The following RGS7 variants were observed in gnomAD, a reference collection of about 807,000 sequenced individuals.
The protein encoded by RGS7 is regulator of G protein signaling 7, also known as regulator of G-protein signaling 7.
Under a neutral mutation model 81.1 loss-of-function variants are expected in RGS7, and 27 were observed. That is an observed-to-expected ratio of 0.33 (90% confidence interval 0.25 to 0.46). RGS7 has a LOEUF of 0.46. Among genes scored for constraint, RGS7 ranks in the 20% least tolerant of loss-of-function variants. RGS7 has a pLI of 1.00. For missense variants in RGS7, 396 were observed against 607.4 expected (o/e 0.65, Z 3.66); for synonymous variants, 208 against 207.7 (o/e 1.00, Z -0.01).
At chr1:241,301,716 T>C (rs2079771885) in intron 2 of RGS7, among the ~76,000 whole-genome samples, 1 of 152,232 alleles carries the variant, frequency 6.6e-6, no homozygotes, top group Admixed American at 6.5e-5. Context: ...TCTTGAAACT[T>C]ATCAATTTTA....
intron 18 of RGS7, among the ~76,000 whole-genome samples, chr1:240,792,888 A>G (rs531904542): frequency 7.2e-5 from 11 of 152,258 alleles, no homozygotes; most frequent in East Asian, 1.9e-4. Flanking sequence ...TAGGTTCCCA[A>G]TAACTGTTTT....
chr1:240,900,415 C>T (rs1205513794), intron 6 of RGS7, among the ~76,000 whole-genome samples: 2 of 152,180 alleles, frequency 1.3e-5, no homozygotes, highest in Non-Finnish European at 2.9e-5. Context: ...TACTCCCCAT[C>T]TTTGTGGTTT....
At chr1:241,285,704 G>T (rs894634925) in intron 2 of RGS7, among the ~76,000 whole-genome samples, 2 of 152,156 alleles carry the variant, frequency 1.3e-5, no homozygotes, top group African/African-American at 4.8e-5. Context: ...CAGTATACTA[G>T]AACTGTTTTC....
chr1:241,154,805 G>A (rs2068996996), intron 2 of RGS7, among the ~76,000 whole-genome samples: 2 of 152,192 alleles, frequency 1.3e-5, no homozygotes, highest in Admixed American at 6.5e-5. Flanking sequence ...GACTTTCACT[G>A]TCAGTGATGG....
chr1:241,192,948 A>C (rs1055416208), intron 2 of RGS7, among the ~76,000 whole-genome samples: 1 of 152,234 alleles, frequency 6.6e-6, no homozygotes, highest in Non-Finnish European at 1.5e-5. Context: ...TGCTAAACAC[A>C]ATGGAGAAAA....
intron 5 of RGS7, among the ~76,000 whole-genome samples, chr1:240,934,855 G>A (rs554837219): frequency 4.8e-4 from 67 of 139,664 alleles, no homozygotes; most frequent in African/African-American, 1.8e-3. Context: ...TGTGTGTATG[G>A]TGATCCCTTC....
In RGS7 at chr1:241,326,706, G is replaced by A. The variant is rs577171447; in HGVS notation, c.78+28993C>T. Reference sequence around the variant, plus strand: ...CACCTGTAGTCCTAGCACTTTGGGAGGCAAAGGTGGGCAGGTCGCTTGAGC... The same window carrying A: ...CACCTGTAGTCCTAGCACTTTGGGAAGCAAAGGTGGGCAGGTCGCTTGAGC... On this transcript the variant is annotated intron_variant, in intron 2 of 18. Coordinates refer to ENST00000440928, the MANE Select transcript of RGS7 (RefSeq NM_001364886.1). 4.0e-5 allele frequency among the ~76,000 whole-genome samples: 6 copies of A among 151,094 alleles called. No homozygotes were observed. In the South Asian group the frequency reaches 1.3e-3, roughly 32 times the overall value.
chr1:240,823,267 C>T, intron 10 of RGS7: 2 of 646,998 alleles, frequency 3.1e-6, no homozygotes, highest in Non-Finnish European at 5.8e-6. Flanking sequence ...AAGGCCATCT[C>T]CACTTCCGAC....
At chr1:241,033,205 AC>A (rs959265891) in intron 3 of RGS7, among the ~76,000 whole-genome samples, 3 of 151,974 alleles carry the variant, frequency 2.0e-5, no homozygotes, top group African/African-American at 7.3e-5. Context: ...ACAAAAATTA[AC>A]TGGGCGTGAT....
At chr1:241,254,268 T>C (rs2076964418) in intron 2 of RGS7, among the ~76,000 whole-genome samples, 1 of 151,186 alleles carries the variant, frequency 6.6e-6, no homozygotes, top group Admixed American at 6.6e-5. Flanking sequence ...TAGAAGAATA[T>C]GGGAGTAGTT....
intron 9 of RGS7, among the ~76,000 whole-genome samples, chr1:240,837,870 G>A (rs367640177): frequency 5.2e-4 from 79 of 152,160 alleles, no homozygotes; most frequent in African/African-American, 1.9e-3. Context: ...TAAATTCAAG[G>A]GCTTATAATA....
At chr1:241,135,627 C>G (rs1299842351) in intron 2 of RGS7, among the ~76,000 whole-genome samples, 2 of 152,026 alleles carry the variant, frequency 1.3e-5, no homozygotes, top group East Asian at 1.9e-4. Flanking sequence ...CTCTGGGGCT[C>G]CCAGGTTTGG....
At chr1:241,028,604 T>C (rs2059910128) in intron 3 of RGS7, among the ~76,000 whole-genome samples, 1 of 152,074 alleles carries the variant, frequency 6.6e-6, no homozygotes, top group South Asian at 2.1e-4. Context: ...AAGAACGTGT[T>C]TCAGCTGAAA....
At chr1:241,298,657 T>C (rs1483598438) in intron 2 of RGS7, among the ~76,000 whole-genome samples, 1 of 152,218 alleles carries the variant, frequency 6.6e-6, no homozygotes, top group Admixed American at 6.5e-5. Flanking sequence ...GAGAAAATTC[T>C]GGAGCCTACA....
chr1:240,944,870 C>T (rs148746381), intron 4 of RGS7, among the ~76,000 whole-genome samples: 3,393 of 152,338 alleles, frequency 0.022, 56 homozygotes, highest in Middle Eastern at 0.048. Flanking sequence ...TGCGCCACCA[C>T]GCCCGGCTAA....
chr1:240,857,136 A>G (rs1661286612), intron 9 of RGS7, among the ~76,000 whole-genome samples: 1 of 152,084 alleles, frequency 6.6e-6, no homozygotes, highest in African/African-American at 2.4e-5. Flanking sequence ...TTGTGGTCGG[A>G]TATTTTGTTG....
chr1:241,180,241 G>C (rs1573009244), intron 2 of RGS7, among the ~76,000 whole-genome samples: 1 of 152,132 alleles, frequency 6.6e-6, no homozygotes, highest in Non-Finnish European at 1.5e-5. Flanking sequence ...CGGGCCTGGT[G>C]GCGGGTGCCT....
intron 4 of RGS7, among the ~76,000 whole-genome samples, chr1:240,955,715 A>G (rs781477786): frequency 5.9e-5 from 9 of 152,212 alleles, no homozygotes; most frequent in Non-Finnish European, 8.8e-5. Flanking sequence ...AGACCCACAG[A>G]GTCAATTGAT....
intron 2 of RGS7, among the ~76,000 whole-genome samples, chr1:241,234,957 T>C (rs2075849094): frequency 6.6e-6 from 1 of 152,198 alleles, no homozygotes; most frequent in Non-Finnish European, 1.5e-5. Context: ...ATCTTAACAT[T>C]TTAGGCATAC....
Sources: allele counts gnomAD v4.1 joint callset (sites outside exome capture counted in the v4.1 genomes callset), GRCh38; gene constraint gnomAD v4.1.1; transcripts MANE v1.5; gene names NCBI Gene and HGNC (gene_info 2026-07-23, HGNC 2026-07-21).